The following PPP3CA variants were observed in gnomAD, a reference collection of about 807,000 sequenced individuals.
The protein encoded by PPP3CA is protein phosphatase 3 catalytic subunit alpha.
A neutral mutation model predicts 66.5 loss-of-function variants in PPP3CA; 14 were observed. The ratio of observed to expected loss-of-function variants is 0.21; its 90% CI spans 0.14 to 0.33. PPP3CA has a LOEUF of 0.33. PPP3CA is among the 10% of genes least tolerant of loss of function. PPP3CA has a pLI of 1.00. For synonymous variants in PPP3CA, 232 were observed against 226.2 expected (o/e 1.03, Z -0.23); for missense variants, 317 against 639.5 (o/e 0.50, Z 5.44).
chr4:101,250,007 T>C (rs911709606), intron 1 of PPP3CA, among the ~76,000 whole-genome samples: 3 of 152,188 alleles, frequency 2.0e-5, no homozygotes, highest in African/African-American at 7.2e-5. Context: ...GTCTACAGAT[T>C]GTACTTCTGA....
intron 8 of PPP3CA, among the ~76,000 whole-genome samples, chr4:101,065,438 G>A (rs985728261): frequency 6.6e-6 from 1 of 152,064 alleles, no homozygotes; most frequent in Non-Finnish European, 1.5e-5. Flanking sequence ...TGGTATAGCA[G>A]GAGGAAGGAA....
At chr4:101,187,645 A>C (rs1724455619) in intron 2 of PPP3CA, among the ~76,000 whole-genome samples, 1 of 152,188 alleles carries the variant, frequency 6.6e-6, no homozygotes. Context: ...AGAATTTCAA[A>C]TGAATAATGT....
chr4:101,272,891 T>A (rs1727376604), intron 1 of PPP3CA, among the ~76,000 whole-genome samples: 1 of 152,148 alleles, frequency 6.6e-6, no homozygotes, highest in Non-Finnish European at 1.5e-5. Context: ...GAGAGTTAGC[T>A]GAAAGGGGAC....
chr4:101,341,981 T>A (rs758011127), intron 1 of PPP3CA, among the ~76,000 whole-genome samples: 5 of 152,158 alleles, frequency 3.3e-5, no homozygotes, highest in Admixed American at 6.6e-5. Context: ...TTTGGTGTCA[T>A]AATTAGTTTC....
chr4:101,120,542 T>C (rs1721993604), intron 2 of PPP3CA, among the ~76,000 whole-genome samples: 1 of 138,966 alleles, frequency 7.2e-6, no homozygotes, highest in Non-Finnish European at 1.7e-5. Flanking sequence ...GTAGCATATA[T>C]AATTTTTCTA....
intron 2 of PPP3CA, among the ~76,000 whole-genome samples, chr4:101,161,324 T>C (rs752473278): frequency 2.6e-5 from 4 of 152,162 alleles, no homozygotes; most frequent in Non-Finnish European, 5.9e-5. Flanking sequence ...GACTATAACA[T>C]TTTTATTGAG....
chr4:101,114,173 T>C (rs1343538819), intron 2 of PPP3CA, among the ~76,000 whole-genome samples: 1 of 152,132 alleles, frequency 6.6e-6, no homozygotes, highest in African/African-American at 2.4e-5. Flanking sequence ...TATGAAAATA[T>C]CCATTCATCT....
Position 101,181,509 on chromosome 4 carries a change from A to C in PPP3CA, c.259+14407T>G, listed in dbSNP as rs1380175424. On this transcript the variant is annotated intron_variant, in intron 2 of 13. Coordinates refer to ENST00000394854, the MANE Select transcript of PPP3CA (RefSeq NM_000944.5). ...TTTAAAATTTATTTTAGTAAAAATA[A>C]AGTGGAGGTTCCTCTGTTATGCGAA... Among the ~76,000 whole-genome samples, 3 of 152,134 alleles carry C rather than the reference A, an allele frequency of 2.0e-5. No individual in the cohort carries two copies. In the East Asian group the frequency reaches 5.8e-4, roughly 29 times the overall value.
intron 8 of PPP3CA, among the ~76,000 whole-genome samples, chr4:101,079,063 G>A (rs1017460981): frequency 1.3e-5 from 2 of 152,178 alleles, no homozygotes; most frequent in African/African-American, 4.8e-5. Flanking sequence ...AAGACCGTAT[G>A]GCAACAGCAA....
rs778643523 is a variant in PPP3CA at position 101,093,915 on chromosome 4, A to C, written c.643T>G (p.Leu215Val). 1 of 1,593,520 alleles carries C rather than the reference A, an allele frequency of 6.3e-7. No individual in the cohort carries two copies. The highest frequency in any genetic ancestry group is 1.1e-5 in the South Asian group (1 of 87,282). ...GCAGGTGGTTCTTTGAATCGGTCTA[A>C]CTAAGAAAAATAGAAGACAGAGAGC... ...EINTLDDIRKLDRFKEPPAYG... is the reference protein window; with the variant it reads ...EINTLDDIRKVDRFKEPPAYG... The change falls in exon 6 of 14, where the codon TTA becomes GTA. Residue 215 changes from leucine to valine, a missense_variant and splice_region_variant. By Grantham distance (32) the Leu-to-Val change is conservative. This residue lies in a region of PPP3CA where 201 missense variants were observed against 501.4 expected (regional missense o/e 0.40). Coordinates refer to ENST00000394854, the MANE Select transcript of PPP3CA (RefSeq NM_000944.5).
chr4:101,261,581 GA>G (rs1039042938), intron 1 of PPP3CA, among the ~76,000 whole-genome samples: 3 of 151,362 alleles, frequency 2.0e-5, no homozygotes, highest in Non-Finnish European at 3.0e-5. Flanking sequence ...AAATCAGTCT[GA>G]AAAAAAATAA....
At chr4:101,176,414 C>A (rs138702158) in intron 2 of PPP3CA, among the ~76,000 whole-genome samples, 2 of 152,102 alleles carry the variant, frequency 1.3e-5, no homozygotes, top group African/African-American at 4.8e-5. Flanking sequence ...AAAGAAGGGT[C>A]GGGGGACCTG....
rs576425434 is a variant in PPP3CA at position 101,095,674 on chromosome 4, C to T, written c.643-1759G>A. 1.4e-4 allele frequency among the ~76,000 whole-genome samples: 21 copies of T among 152,248 alleles called. No individual in the cohort carries two copies. In the South Asian group the frequency reaches 1.5e-3, roughly 11 times the overall value. On this transcript the variant is annotated intron_variant, in intron 5 of 13. Transcript: ENST00000394854. ...GAAAGAAACATTTCTGTTTTTGAGACGGAGTCTCCCTGTGTCACTCAGGCT... is the reference window on the plus strand; with the variant it reads ...GAAAGAAACATTTCTGTTTTTGAGATGGAGTCTCCCTGTGTCACTCAGGCT...
At chr4:101,149,383 A>T (rs796609584) in intron 2 of PPP3CA, among the ~76,000 whole-genome samples, 27 of 152,326 alleles carry the variant, frequency 1.8e-4, no homozygotes, top group African/African-American at 6.5e-4. Context: ...AAATAACAAA[A>T]GAAATTGGTT....
intron 1 of PPP3CA, among the ~76,000 whole-genome samples, chr4:101,233,448 A>G (rs1245830941): frequency 1.3e-5 from 2 of 151,800 alleles, no homozygotes; most frequent in African/African-American, 4.8e-5. Context: ...GAGAGAATAA[A>G]TGCATTTAAC....
chr4:101,158,643 G>A (rs1188272712), intron 2 of PPP3CA, among the ~76,000 whole-genome samples: 1 of 152,090 alleles, frequency 6.6e-6, no homozygotes, highest in Non-Finnish European at 1.5e-5. Flanking sequence ...CCTCAACTGT[G>A]GCCTCTACTG....
chr4:101,153,881 A>T (rs1347945567), intron 2 of PPP3CA, among the ~76,000 whole-genome samples: 3 of 152,186 alleles, frequency 2.0e-5, no homozygotes, highest in Non-Finnish European at 2.9e-5. Context: ...GTTCATTTTT[A>T]ATACAATACA....
chr4:101,181,807 G>A (rs1724244878), intron 2 of PPP3CA, among the ~76,000 whole-genome samples: 1 of 152,012 alleles, frequency 6.6e-6, no homozygotes, highest in Admixed American at 6.6e-5. Context: ...ATTATGAGGA[G>A]ACTTACATAT....
chr4:101,296,265 A>G (rs952570044), intron 1 of PPP3CA, among the ~76,000 whole-genome samples: 5 of 152,180 alleles, frequency 3.3e-5, no homozygotes, highest in Admixed American at 2.6e-4. Flanking sequence ...TTCTATTGGT[A>G]TGTAATTCAC....
Sources: allele counts gnomAD v4.1 joint callset (sites outside exome capture counted in the v4.1 genomes callset), GRCh38; gene constraint gnomAD v4.1.1; regional missense constraint gnomAD v4.1.1; transcripts MANE v1.5; gene names NCBI Gene and HGNC (gene_info 2026-07-23, HGNC 2026-07-21).